The following FER1L6 variants were observed in gnomAD, a reference collection of about 807,000 sequenced individuals.
FER1L6 encodes the protein fer-1 like family member 6, also known as fer-1-like protein 6.
In FER1L6, 177 loss-of-function variants were observed where a neutral mutation model predicts 219.2. The observed-to-expected ratio is 0.81, with a 90% CI of 0.71 to 0.91. The LOEUF (loss-of-function observed/expected upper bound fraction) is 0.91. FER1L6 is among the 40% of genes least tolerant of loss of function. The probability of loss-of-function intolerance (pLI) is 0.00; values close to 1 mark genes in which losing one functional copy is unlikely to be tolerated. For synonymous variants in FER1L6, 768 were observed against 824.3 expected, an observed-to-expected ratio of 0.93 and a Z score of 1.17; for missense variants, 2,153 against 2,259.9, an observed-to-expected ratio of 0.95 and a Z score of 0.96.
In FER1L6 at chr8:123,937,788, A is replaced by T. The variant is rs181350560; in HGVS notation, c.-7-18204A>T. Among the ~76,000 whole-genome samples, 351 of 152,246 alleles carry T rather than the reference A, an allele frequency of 2.3e-3. 1 individual carries two copies. Among genetic ancestry groups the T allele is most frequent in the Middle Eastern group, 6.8e-3 (2 of 294 alleles). ...CACTTTTTCTATTTTAGAAAAATATATTTTTTTCTGATATCAAAGTAATTG... is the reference window on the plus strand; with the variant it reads ...CACTTTTTCTATTTTAGAAAAATATTTTTTTTTCTGATATCAAAGTAATTG... On this transcript the variant is annotated intron_variant, in intron 1 of 40. Transcript: ENST00000522917.
chr8:123,885,861 C>T (rs1486004684), intron 1 of FER1L6, among the ~76,000 whole-genome samples: 1 of 152,220 alleles, frequency 6.6e-6, no homozygotes, highest in Non-Finnish European at 1.5e-5. Context: ...AGCCATGCTA[C>T]TTCTCCAGTC....
intron 1 of FER1L6, among the ~76,000 whole-genome samples, chr8:123,859,762 C>A (rs1188697314): frequency 1.7e-3 from 218 of 128,998 alleles, no homozygotes; most frequent in African/African-American, 6.2e-3. Context: ...TCCATGTGAT[C>A]TCATTGTTCA....
intron 26 of FER1L6, 37 bp from the exon 27 acceptor site, chr8:124,066,391 G>A: frequency 6.2e-7 from 1 of 1,603,342 alleles, no homozygotes; most frequent in Non-Finnish European, 8.5e-7. Context: ...AGCCAAATGA[G>A]GTTGAACTAA....
intron 33 of FER1L6, among the ~76,000 whole-genome samples, chr8:124,088,455 A>G (rs1821874459): frequency 6.6e-6 from 1 of 152,034 alleles, no homozygotes; most frequent in Non-Finnish European, 1.5e-5. Context: ...AAGGTCTAGA[A>G]TCAGGGTCCC....
rs920815951 is a variant in FER1L6, at chr8:124,119,746, A to G, written c.5530A>G (p.Thr1844Ala). The G allele has an allele frequency of 6.2e-7, 1 of 1,613,892 alleles. No homozygotes were observed. The change falls in exon 41 of 41, where the codon ACC becomes GCC. Residue 1844 changes from threonine (T) to alanine (A), a missense_variant. Physicochemically the swap from Thr to Ala is moderately conservative, Grantham distance 58. Transcript: ENST00000522917. The part of the protein sequence containing the change: ...LIIFLVLFIY[T>A]LPGAISRRIV... ...CATCTTCCTCGTCCTTTTCATCTAC[A>G]CCTTGCCAGGAGCCATCAGCCGAAG...
chr8:123,879,395 C>T (rs866918703), intron 1 of FER1L6, among the ~76,000 whole-genome samples: 4 of 152,108 alleles, frequency 2.6e-5, no homozygotes, highest in Middle Eastern at 3.2e-3. Flanking sequence ...GGTGCGATCT[C>T]GGCTCACTGC....
intron 2 of FER1L6, among the ~76,000 whole-genome samples, 171 bp from the exon 3 acceptor site, chr8:123,963,107 A>AT (rs1815373240): frequency 6.6e-6 from 1 of 152,240 alleles, no homozygotes; most frequent in Admixed American, 6.5e-5. Context: ...AAAATGAAGG[A>AT]TGTATCTGGC....
chr8:123,862,950 T>A (rs1816771266), intron 1 of FER1L6, among the ~76,000 whole-genome samples: 1 of 146,610 alleles, frequency 6.8e-6, no homozygotes. Context: ...TCATTGATTT[T>A]TTGAAGGGTT....
chr8:124,079,717 C>A (rs977341618), intron 32 of FER1L6, among the ~76,000 whole-genome samples: 11 of 152,128 alleles, frequency 7.2e-5, no homozygotes, highest in Non-Finnish European at 1.3e-4. Flanking sequence ...AAAAATCAGG[C>A]AGATATAAAA....
chr8:124,101,948 ATTCAAAGATT>A (rs1822565020), intron 38 of FER1L6, among the ~76,000 whole-genome samples: 1 of 152,194 alleles, frequency 6.6e-6, no homozygotes, highest in African/African-American at 2.4e-5. Context: ...TCGTAGGCAG[ATTCAAAGATT>A]TTCCAATTGG....
rs371630453 is a variant in FER1L6 at position 124,017,701 on chromosome 8, C to G, written c.1996C>G (p.Leu666Val). Residue 666 changes from leucine (L) to valine (V), a missense_variant, in exon 16 of 41, where the codon CTC becomes GTC. Leu to Val is a conservative substitution (Grantham distance 32). Coordinates refer to ENST00000522917, the MANE Select transcript of FER1L6 (RefSeq NM_001039112.2). ...CACTTTAGATAAGAAGCGACTTACG[C>G]TCTGCTGGCAGGAGCTGGTATGTGA... Reference protein sequence around the residue: ...QTTLDKKRLTLCWQELEAMCK... With the variant: ...QTTLDKKRLTVCWQELEAMCK... 1.9e-6 allele frequency: 3 copies of G among 1,613,550 alleles called. No individual in the cohort carries two copies. Among genetic ancestry groups the G allele is most frequent in the Non-Finnish European group, 2.5e-6 (3 of 1,179,544 alleles).
chr8:124,073,306 G>C (rs1821154150), intron 31 of FER1L6, among the ~76,000 whole-genome samples: 1 of 152,186 alleles, frequency 6.6e-6, no homozygotes, highest in African/African-American at 2.4e-5. Context: ...GGTAGCATGG[G>C]GGACGGAGGC....
At chr8:123,968,095 C>T (rs1020408919) in intron 5 of FER1L6, among the ~76,000 whole-genome samples, 2 of 152,170 alleles carry the variant, frequency 1.3e-5, no homozygotes, top group Admixed American at 1.3e-4. Context: ...ATCATTTCTG[C>T]CTCTGCGCCT....
At chr8:123,885,214 T>G (rs950937152) in intron 1 of FER1L6, among the ~76,000 whole-genome samples, 2 of 152,164 alleles carry the variant, frequency 1.3e-5, no homozygotes, top group Non-Finnish European at 2.9e-5. Flanking sequence ...AGGAATCAAT[T>G]TCTGTTGGTT....
Position 123,943,227 on chromosome 8 carries a change from G to A in FER1L6, c.-7-12765G>A, listed in dbSNP as rs576424916. Among the ~76,000 whole-genome samples the A allele has an allele frequency of 3.9e-5, 6 of 152,340 alleles. No individual in the cohort carries two copies. The South Asian group carries it at 1.2e-3, about 32-fold the overall frequency. On this transcript the variant is annotated intron_variant, in intron 1 of 40. Transcript: ENST00000522917. The stretch of plus-strand genomic sequence containing the variant: ...AAATAAACAGTAAAAACATGAGCAG[G>A]GGGTGGTGAACATGATTAAAAATCC...
intron 1 of FER1L6, among the ~76,000 whole-genome samples, chr8:123,947,836 A>G (rs1263341285): frequency 6.6e-6 from 1 of 152,230 alleles, no homozygotes; most frequent in Non-Finnish European, 1.5e-5. Context: ...AGAACACATC[A>G]CATCAAAGGA....
At chr8:124,040,149 A>G (rs1292691794) in intron 20 of FER1L6, 143 bp downstream of exon 20, 2 of 1,101,594 alleles carry the variant, frequency 1.8e-6, no homozygotes, top group Non-Finnish European at 2.6e-6. Context: ...AAAAGCGAAT[A>G]TGTGCCCAGA....
chr8:124,087,119 A>G (rs1192938815), intron 33 of FER1L6, among the ~76,000 whole-genome samples: 2 of 151,942 alleles, frequency 1.3e-5, no homozygotes, highest in Non-Finnish European at 2.9e-5. Flanking sequence ...TTGAATATTG[A>G]TATCTTTCTC....
At chr8:123,934,825 A>G (rs961152945) in intron 1 of FER1L6, among the ~76,000 whole-genome samples, 1 of 152,006 alleles carries the variant, frequency 6.6e-6, no homozygotes, top group Non-Finnish European at 1.5e-5. Flanking sequence ...TTGATGTTCT[A>G]TGATATTGAG....
Sources: allele counts gnomAD v4.1 joint callset (sites outside exome capture counted in the v4.1 genomes callset), GRCh38; gene constraint gnomAD v4.1.1; transcripts MANE v1.5; gene names NCBI Gene and HGNC (gene_info 2026-07-23, HGNC 2026-07-21).